The following PLB1 variants were observed in gnomAD, a reference collection of about 807,000 sequenced individuals.
The protein encoded by PLB1 is phospholipase B1, membrane-associated.
In PLB1, 242 loss-of-function variants were observed where a neutral mutation model predicts 227.4. The observed-to-expected ratio is 1.06, with a 90% CI of 0.96 to 1.18. The LOEUF (loss-of-function observed/expected upper bound fraction) is 1.18. PLB1 is among the 50% of genes most tolerant of loss of function. The pLI, the probability that PLB1 is intolerant of heterozygous loss-of-function variation, is 0.00. For missense variants in PLB1, 1,858 were observed against 1,816.3 expected (o/e 1.02, Z -0.42); for synonymous variants, 757 against 682.2 (o/e 1.11, Z -1.71).
intron 21 of PLB1, among the ~76,000 whole-genome samples, chr2:28,576,603 G>A (rs979127444): frequency 1.1e-4 from 16 of 152,172 alleles, no homozygotes; most frequent in Admixed American, 1.0e-3. Flanking sequence ...GGTGGCGGGT[G>A]CCTGTAATTC....
chr2:28,569,743 A>G (rs890436613), intron 20 of PLB1, among the ~76,000 whole-genome samples: 59 of 152,054 alleles, frequency 3.9e-4, no homozygotes, highest in Non-Finnish European at 7.8e-4. Context: ...AGGCAGGCGG[A>G]TCACGAGGTC....
chr2:28,549,914 C>A, intron 15 of PLB1, 96 bp from the exon 16 acceptor site: 3 of 993,246 alleles, frequency 3.0e-6, no homozygotes, highest in Non-Finnish European at 4.6e-6. Flanking sequence ...GTGAATGTTC[C>A]TAGTTGGCCA....
chr2:28,590,310 C>T (rs939158766), intron 29 of PLB1, among the ~76,000 whole-genome samples: 3 of 152,122 alleles, frequency 2.0e-5, no homozygotes, highest in Admixed American at 1.3e-4. Context: ...TCACACATGT[C>T]TGGGGTGGAG....
chr2:28,496,768 T>C (rs994435281), intron 1 of PLB1, among the ~76,000 whole-genome samples: 2 of 152,124 alleles, frequency 1.3e-5, no homozygotes, highest in African/African-American at 4.8e-5. Flanking sequence ...TCTGCCACAA[T>C]CCCTCTCTGC....
intron 21 of PLB1, among the ~76,000 whole-genome samples, chr2:28,573,957 G>T (rs1678460001): frequency 6.6e-6 from 1 of 152,208 alleles, no homozygotes. Flanking sequence ...CACCTCGGGG[G>T]AAACATCAGT....
At chr2:28,543,182 A>T in intron 13 of PLB1, 30 bp from the exon 14 acceptor site, 2 of 1,591,222 alleles carry the variant, frequency 1.3e-6, no homozygotes, top group Non-Finnish European at 1.7e-6. Flanking sequence ...GGGAGACAAA[A>T]GGTCCCGCTG....
chr2:28,589,633 AGT>A (rs1681527894), intron 27 of PLB1, 40 bp from the exon 28 acceptor site: 2 of 1,606,344 alleles, frequency 1.2e-6, no homozygotes, highest in Admixed American at 3.3e-5. Context: ...TATATGATCC[AGT>A]GTGTCTATAA....
intron 20 of PLB1, among the ~76,000 whole-genome samples, 158 bp downstream of exon 20, chr2:28,566,997 C>T (rs554267844): frequency 6.8e-6 from 1 of 147,306 alleles, no homozygotes; most frequent in South Asian, 2.2e-4. Context: ...CGCCCAGCTC[C>T]GCTTCCGACA....
At chr2:28,634,768 A>G (rs1689098133) in intron 56 of PLB1, among the ~76,000 whole-genome samples, 1 of 152,122 alleles carries the variant, frequency 6.6e-6, no homozygotes, top group African/African-American at 2.4e-5. Flanking sequence ...AATATTAGCC[A>G]GGTGTGGTGG....
intron 45 of PLB1, 109 bp downstream of exon 45, chr2:28,617,896 C>T: frequency 9.0e-7 from 1 of 1,115,266 alleles, no homozygotes; most frequent in Non-Finnish European, 1.4e-6. Context: ...TTGCTAATTC[C>T]CCTGCAGTGC....
intron 1 of PLB1, among the ~76,000 whole-genome samples, chr2:28,515,831 A>G (rs991428141): frequency 6.6e-6 from 1 of 152,224 alleles, no homozygotes; most frequent in Non-Finnish European, 1.5e-5. Flanking sequence ...ACCTCTGATT[A>G]AATCTCAGTA....
chr2:28,500,426 C>T (rs559344576), intron 1 of PLB1, among the ~76,000 whole-genome samples: 3 of 152,278 alleles, frequency 2.0e-5, no homozygotes, highest in Non-Finnish European at 4.4e-5. Flanking sequence ...TAGGGAGATA[C>T]TGTGAGACTG....
In PLB1 at chr2:28,602,842, C is replaced by G; in HGVS notation, c.2695C>G (p.Leu899Val). ...HREVPRVLVN[L>V]VDFLNPTIMR... ...TTAGGTGCCCAGAGTCCTGGTCAACCTCGTGGACTTCCTGAACCCCACTAT... is the reference window on the plus strand; with the variant it reads ...TTAGGTGCCCAGAGTCCTGGTCAACGTCGTGGACTTCCTGAACCCCACTAT... The change falls in exon 39 of 58, where the codon CTC (leucine) becomes GTC (valine). Residue 899 changes from leucine to valine, a missense_variant. Transcript: ENST00000327757. 3 of 1,614,172 alleles carry G rather than the reference C, an allele frequency of 1.9e-6. No homozygotes were observed. The highest frequency in any genetic ancestry group is 2.5e-6 in the Non-Finnish European group (3 of 1,180,016).
At chr2:28,632,742 C>T (rs868700498) in intron 55 of PLB1, among the ~76,000 whole-genome samples, 2 of 151,540 alleles carry the variant, frequency 1.3e-5, no homozygotes, top group African/African-American at 2.4e-5. Context: ...GCTGACAGTG[C>T]GAAACTCCGT....
Position 28,635,565 on chromosome 2 carries a change from G to A in PLB1, c.4098+2526G>A, listed in dbSNP as rs374830544. Among the ~76,000 whole-genome samples, 3 of 152,234 alleles carry A rather than the reference G, an allele frequency of 2.0e-5. No homozygotes were observed. The East Asian group carries it at 5.8e-4, about 29-fold the overall frequency. ...CCGGTGAATTCATGTCTCACAATTA[G>A]AGTCCTATGACATAGTGTCTGCAGG... is the stretch of plus-strand genomic sequence containing the variant. On this transcript the variant is annotated intron_variant, in intron 56 of 57. Coordinates refer to ENST00000327757, the MANE Select transcript of PLB1 (RefSeq NM_153021.5).
intron 1 of PLB1, among the ~76,000 whole-genome samples, chr2:28,510,617 T>C (rs990340846): frequency 1.8e-5 from 2 of 112,864 alleles, no homozygotes; most frequent in South Asian, 3.1e-4. Context: ...TTTTTTCTTT[T>C]TCTCTCTCTT....
rs536476788 is a variant in PLB1 at position 28,554,489 on chromosome 2, C to CTTTTTTTTTTTTTTT, written c.1147+1513_1147+1527dup. On this transcript the variant is annotated intron_variant, in intron 17 of 57. Transcript: ENST00000327757. ...CTACAGGCATTATCACCACACCTGC[C>CTTTTTTTTTTTTTTT]TTTTTTTTTTTTTTTTTTTTTTTTT... Among the ~76,000 whole-genome samples the CTTTTTTTTTTTTTTT allele has an allele frequency of 3.9e-4, 33 of 85,466 alleles. 3 individuals are homozygous for CTTTTTTTTTTTTTTT. Among genetic ancestry groups the CTTTTTTTTTTTTTTT allele is most frequent in the East Asian group, 9.3e-4 (2 of 2,154 alleles). The allele number at this position is 85,466 out of a possible 152,430, so 56.1% of individuals were successfully genotyped here.
Position 28,604,720 on chromosome 2 carries a change from G to T in PLB1, c.2922G>T (p.Leu974=). 6.2e-7 allele frequency: 1 copy of T among 1,614,166 alleles called. No homozygotes were observed. Among genetic ancestry groups the T allele is most frequent in the Non-Finnish European group, 8.5e-7 (1 of 1,180,006 alleles). ...CGCAGGAGGACTTCTCTGTGGTGCT[G>T]CAGCCCTTCTTCCAGAACATCCAGC... is the stretch of plus-strand genomic sequence containing the variant. The part of the protein sequence containing the change: ...YDTQEDFSVV[L]QPFFQNIQLP... Residue 974 remains leucine, a synonymous_variant, in exon 41 of 58, where the codon CTG becomes CTT. Coordinates refer to ENST00000327757, the MANE Select transcript of PLB1 (RefSeq NM_153021.5).
intron 43 of PLB1, among the ~76,000 whole-genome samples, chr2:28,609,290 A>G (rs1685110959): frequency 6.6e-6 from 1 of 151,818 alleles, no homozygotes; most frequent in South Asian, 2.1e-4. Flanking sequence ...TTCCTGTAAA[A>G]TTTCTTTGTG....
Sources: allele counts gnomAD v4.1 joint callset (sites outside exome capture counted in the v4.1 genomes callset), GRCh38; gene constraint gnomAD v4.1.1; transcripts MANE v1.5; gene names NCBI Gene and HGNC (gene_info 2026-07-23, HGNC 2026-07-21).